Variants in AUTS2 observed in about 807,000 individuals in gnomAD.
AUTS2 encodes the protein activator of transcription and developmental regulator AUTS2, also known as autism susceptibility gene 2 protein.
AUTS2 carries 17 observed loss-of-function variants against 112.4 expected under a neutral mutation model. That is an observed-to-expected ratio of 0.15 (90% CI 0.10 to 0.23). The LOEUF (loss-of-function observed/expected upper bound fraction) is 0.23. AUTS2 is among the 10% of genes least tolerant of loss of function. AUTS2 has a pLI of 1.00. For synonymous variants in AUTS2, 751 were observed against 702.7 expected, an observed-to-expected ratio of 1.07 and a Z score of -1.09; for missense variants, 1,510 against 1,701.6, an observed-to-expected ratio of 0.89 and a Z score of 1.98.
intron 5 of AUTS2, among the ~76,000 whole-genome samples, chr7:70,464,508 AG>A (rs1797097058): frequency 6.6e-6 from 1 of 152,234 alleles, no homozygotes; most frequent in Non-Finnish European, 1.5e-5. Context: ...TTCATAAATA[AG>A]GTCACTGAGG....
At chr7:69,897,646 T>C (rs1175675271) in intron 1 of AUTS2, among the ~76,000 whole-genome samples, 1 of 150,884 alleles carries the variant, frequency 6.6e-6, no homozygotes, top group Non-Finnish European at 1.5e-5. Context: ...TAACCCCAGC[T>C]ACTCGGGAGG....
chr7:69,746,592 C>CTTT (rs1787506357), intron 1 of AUTS2, among the ~76,000 whole-genome samples: 1 of 152,098 alleles, frequency 6.6e-6, no homozygotes, highest in Non-Finnish European at 1.5e-5. Flanking sequence ...GGAGACACTG[C>CTTT]AAGGTACAAG....
chr7:70,031,156 G>T (rs1584607334), intron 2 of AUTS2, among the ~76,000 whole-genome samples: 1 of 152,218 alleles, frequency 6.6e-6, no homozygotes, highest in East Asian at 1.9e-4. Flanking sequence ...TTGTTTTATT[G>T]TGAGGGCATT....
Position 70,297,789 on chromosome 7 carries a change from C to A in AUTS2, c.661-137963C>A, listed in dbSNP as rs1789014358. ...GTTCAGAAGGAAGACATTGTTAGAACTGTACATAATCTTAGACATCATCTA... is the reference window on the plus strand; with the variant it reads ...GTTCAGAAGGAAGACATTGTTAGAAATGTACATAATCTTAGACATCATCTA... On this transcript the variant is annotated intron_variant, in intron 4 of 18. Coordinates refer to ENST00000342771, the MANE Select transcript of AUTS2 (RefSeq NM_015570.4). 2.6e-5 allele frequency among the ~76,000 whole-genome samples: 4 copies of A among 152,160 alleles called. No homozygotes were observed. In the South Asian group the frequency reaches 8.3e-4, roughly 32 times the overall value.
intron 5 of AUTS2, among the ~76,000 whole-genome samples, chr7:70,588,148 G>A (rs1284517903): frequency 1.3e-5 from 2 of 152,212 alleles, no homozygotes; most frequent in African/African-American, 2.4e-5. Flanking sequence ...GGAATGATAT[G>A]TAGTGAGCAC....
intron 1 of AUTS2, among the ~76,000 whole-genome samples, chr7:69,650,280 T>G (rs1795232687): frequency 6.6e-6 from 1 of 152,202 alleles, no homozygotes; most frequent in Non-Finnish European, 1.5e-5. Flanking sequence ...GGGAGGGCCT[T>G]CTTTGTACTC....
intron 2 of AUTS2, among the ~76,000 whole-genome samples, chr7:70,020,774 C>T (rs1800235293): frequency 6.6e-6 from 1 of 152,072 alleles, no homozygotes; most frequent in Admixed American, 6.5e-5. Flanking sequence ...GCCTTGATCT[C>T]CCAGGCTCAA....
chr7:70,473,635 C>T (rs182210689), intron 5 of AUTS2, among the ~76,000 whole-genome samples: 2 of 151,978 alleles, frequency 1.3e-5, no homozygotes, highest in Admixed American at 1.3e-4. Flanking sequence ...GCCACACAGA[C>T]GTAGCAGGCT....
intron 2 of AUTS2, among the ~76,000 whole-genome samples, chr7:70,084,374 C>T (rs555171254): frequency 7.0e-4 from 106 of 152,156 alleles, no homozygotes; most frequent in Non-Finnish European, 1.4e-3. Context: ...TGTAAGAGTA[C>T]AATGTACATT....
chr7:70,237,035 A>G (rs1204312681), intron 4 of AUTS2, among the ~76,000 whole-genome samples: 5 of 152,154 alleles, frequency 3.3e-5, no homozygotes, highest in Admixed American at 2.6e-4. Flanking sequence ...GACTTTGCAC[A>G]CTCATCAGAT....
At chr7:70,529,247 A>G (rs1799981029) in intron 5 of AUTS2, among the ~76,000 whole-genome samples, 1 of 152,214 alleles carries the variant, frequency 6.6e-6, no homozygotes, top group Admixed American at 6.5e-5. Context: ...ACCAAAATCA[A>G]CGATAGCAGT....
At chr7:70,605,264 C>T (rs753916529) in intron 5 of AUTS2, among the ~76,000 whole-genome samples, 7 of 152,288 alleles carry the variant, frequency 4.6e-5, no homozygotes, top group Admixed American at 2.0e-4. Context: ...GCTGAGAAGT[C>T]GTTGCCTGTT....
intron 1 of AUTS2, among the ~76,000 whole-genome samples, chr7:69,799,555 A>G (rs1237818450): frequency 1.3e-5 from 2 of 152,222 alleles, no homozygotes; most frequent in Non-Finnish European, 2.9e-5. Flanking sequence ...CTGACATCTC[A>G]GAAATTGCTC....
rs569309049 is a variant in AUTS2, at chr7:70,578,989, C to T, written c.691-119580C>T. 4.1e-5 allele frequency among the ~76,000 whole-genome samples: 6 copies of T among 145,350 alleles called. No individual in the cohort carries two copies. In the South Asian group the frequency reaches 1.3e-3, roughly 32 times the overall value. On this transcript the variant is annotated intron_variant, in intron 5 of 18. Coordinates refer to ENST00000342771, the MANE Select transcript of AUTS2 (RefSeq NM_015570.4). ...CCCAGGTTGGAGTGGTGCAGTGGTGCGATCATGGCTCACTGCAGCCTCAAC... is the reference window on the plus strand; with the variant it reads ...CCCAGGTTGGAGTGGTGCAGTGGTGTGATCATGGCTCACTGCAGCCTCAAC...
intron 4 of AUTS2, among the ~76,000 whole-genome samples, chr7:70,299,479 C>G (rs1428271183): frequency 6.6e-6 from 1 of 152,198 alleles, no homozygotes; most frequent in African/African-American, 2.4e-5. Context: ...ACGGTTTCTC[C>G]TCTCTCACAA....
At chr7:70,497,307 G>A (rs975149025) in intron 5 of AUTS2, among the ~76,000 whole-genome samples, 2 of 144,872 alleles carry the variant, frequency 1.4e-5, no homozygotes, top group South Asian at 2.2e-4. Flanking sequence ...CATCAGCGTC[G>A]ATCACACACC....
rs142247498 is a variant in AUTS2, at chr7:70,644,953, G to C, written c.691-53616G>C. Among the ~76,000 whole-genome samples the C allele has an allele frequency of 5.2e-3, 797 of 152,296 alleles. 7 individuals carry two copies. The highest frequency in any genetic ancestry group is 0.018 in the African/African-American group (753 of 41,552). ...CTCTGGTATTTCCTAAACGCTGGTGGCTTTACTGTTGAATCAGAGCAAAAG... is the reference window on the plus strand; with the variant it reads ...CTCTGGTATTTCCTAAACGCTGGTGCCTTTACTGTTGAATCAGAGCAAAAG... On this transcript the variant is annotated intron_variant, in intron 5 of 18. Coordinates refer to ENST00000342771, the MANE Select transcript of AUTS2 (RefSeq NM_015570.4).
intron 2 of AUTS2, among the ~76,000 whole-genome samples, chr7:69,969,350 T>C (rs889619522): frequency 1.3e-5 from 2 of 152,202 alleles, no homozygotes; most frequent in Non-Finnish European, 2.9e-5. Flanking sequence ...AAGCAGAGAA[T>C]GCTTCCATAT....
At chr7:69,660,023 C>T (rs1307004416) in intron 1 of AUTS2, among the ~76,000 whole-genome samples, 1 of 152,176 alleles carries the variant, frequency 6.6e-6, no homozygotes, top group South Asian at 2.1e-4. Context: ...AACCTCCACC[C>T]TACTGAAAAA....
Sources: allele counts gnomAD v4.1 joint callset (sites outside exome capture counted in the v4.1 genomes callset), GRCh38; gene constraint gnomAD v4.1.1; transcripts MANE v1.5; gene names NCBI Gene and HGNC (gene_info 2026-07-23, HGNC 2026-07-21).